Variants in GALNT13 observed in about 807,000 individuals in gnomAD.
GALNT13 encodes polypeptide N-acetylgalactosaminyltransferase 13.
Under a neutral mutation model 64.2 loss-of-function variants are expected in GALNT13, and 28 were observed. The observed-to-expected ratio is 0.44, with a 90% CI of 0.32 to 0.60. GALNT13 has a LOEUF of 0.60. GALNT13 is among the 20% of genes least tolerant of loss of function. The pLI, the probability that GALNT13 is intolerant of heterozygous loss-of-function variation, is 0.05. For synonymous variants in GALNT13, 214 were observed against 224.6 expected, an observed-to-expected ratio of 0.95 and a Z score of 0.42; for missense variants, 577 against 669.8, an observed-to-expected ratio of 0.86 and a Z score of 1.53.
the GALNT13 span, among the ~76,000 whole-genome samples, chr2:153,207,652 C>A: frequency 2.0e-5 from 3 of 152,076 alleles, no homozygotes; most frequent in African/African-American, 7.2e-5. Flanking sequence ...TTGCCAATTT[C>A]AAAATAATGA....
chr2:153,826,259 A>T, the GALNT13 span, among the ~76,000 whole-genome samples: 1 of 152,072 alleles, frequency 6.6e-6, no homozygotes, highest in Admixed American at 6.6e-5. Context: ...TCCTCTTCTT[A>T]TAAATCCACC....
intron 3 of GALNT13, among the ~76,000 whole-genome samples, chr2:154,106,445 C>A (rs139559808): frequency 1.3e-5 from 2 of 151,984 alleles, no homozygotes; most frequent in East Asian, 1.9e-4. Context: ...TATCTTTTTT[C>A]CATTGAATTC....
At chr2:153,630,845 G>A in the GALNT13 span, among the ~76,000 whole-genome samples, 2 of 101,330 alleles carry the variant, frequency 2.0e-5, no homozygotes, top group African/African-American at 8.0e-5. Flanking sequence ...AAGTTCTAGG[G>A]TACATGTGCA....
chr2:154,299,824 A>G (rs554255362), intron 8 of GALNT13, among the ~76,000 whole-genome samples: 2 of 151,798 alleles, frequency 1.3e-5, no homozygotes, highest in South Asian at 2.1e-4. Context: ...GAAGGTTTCT[A>G]TTCTTCTCGT....
chr2:153,112,436 A>G, the GALNT13 span, among the ~76,000 whole-genome samples: 1 of 151,246 alleles, frequency 6.6e-6, no homozygotes, highest in African/African-American at 2.5e-5. Context: ...TATAAGCCAC[A>G]TCCACCTACT....
At chr2:153,519,165 A>G in the GALNT13 span, among the ~76,000 whole-genome samples, 3 of 152,174 alleles carry the variant, frequency 2.0e-5, no homozygotes, top group African/African-American at 7.2e-5. Flanking sequence ...ACGTCCAAAC[A>G]GGATTCTGTT....
chr2:153,215,193 C>T, the GALNT13 span, among the ~76,000 whole-genome samples: 1 of 152,012 alleles, frequency 6.6e-6, no homozygotes, highest in Non-Finnish European at 1.5e-5. Flanking sequence ...AAAAAGTCCC[C>T]CTCCAGCTTC....
chr2:153,989,722 T>C (rs1279636700), intron 3 of GALNT13, among the ~76,000 whole-genome samples: 4 of 152,032 alleles, frequency 2.6e-5, no homozygotes, highest in Non-Finnish European at 4.4e-5. Context: ...ACTACAGCAG[T>C]CAAATATGCA....
At chr2:153,961,483 G>A (rs1254979227) in intron 3 of GALNT13, among the ~76,000 whole-genome samples, 2 of 152,136 alleles carry the variant, frequency 1.3e-5, no homozygotes, top group Non-Finnish European at 2.9e-5. Context: ...GCATTAGTTA[G>A]TGTAAAGGGA....
the GALNT13 span, among the ~76,000 whole-genome samples, chr2:153,135,696 TTATAC>T: frequency 1.3e-5 from 2 of 152,022 alleles, no homozygotes; most frequent in Non-Finnish European, 2.9e-5. Context: ...TAGGACTTCA[TTATAC>T]TTTTGGATTT....
the GALNT13 span, among the ~76,000 whole-genome samples, chr2:153,695,292 A>G: frequency 6.6e-6 from 1 of 152,226 alleles, no homozygotes; most frequent in African/African-American, 2.4e-5. Flanking sequence ...TAGTTTAGGC[A>G]AAGTGACTCA....
At chr2:153,870,038 T>G (rs188027688), upstream of GALNT13, among the ~76,000 whole-genome samples, 1 of 152,070 alleles carries the variant, frequency 6.6e-6, no homozygotes, top group African/African-American at 2.4e-5. Flanking sequence ...CTAATAAGTA[T>G]GCCACACCAG....
chr2:153,538,115 A>G, the GALNT13 span, among the ~76,000 whole-genome samples: 4 of 152,106 alleles, frequency 2.6e-5, no homozygotes, highest in East Asian at 3.9e-4. Context: ...AGATGCTGAG[A>G]GTGATCTAGA....
At chr2:153,338,927 A>G in the GALNT13 span, among the ~76,000 whole-genome samples, 2 of 152,200 alleles carry the variant, frequency 1.3e-5, no homozygotes. Flanking sequence ...ATGTCTTCCA[A>G]GTTCATCCAC....
At chr2:153,533,636 T>C in the GALNT13 span, among the ~76,000 whole-genome samples, 3 of 151,760 alleles carry the variant, frequency 2.0e-5, no homozygotes, top group African/African-American at 4.8e-5. Context: ...TTGATGTTTG[T>C]TTCTCTCTTT....
At chr2:154,150,306 G>A (rs1574606974) in intron 4 of GALNT13, among the ~76,000 whole-genome samples, 1 of 152,088 alleles carries the variant, frequency 6.6e-6, no homozygotes, top group Admixed American at 6.6e-5. Context: ...TAAGCTTTTT[G>A]ATGTGCTGCT....
At chr2:153,458,086 G>A in the GALNT13 span, among the ~76,000 whole-genome samples, 1 of 152,114 alleles carries the variant, frequency 6.6e-6, no homozygotes, top group East Asian at 1.9e-4. Context: ...CACTTCTGCT[G>A]TAGTTCTTAT....
the GALNT13 span, among the ~76,000 whole-genome samples, chr2:153,429,742 A>T: frequency 4.3e-3 from 658 of 152,288 alleles, 3 homozygotes; most frequent in African/African-American, 0.015. Context: ...TTATTAAAAT[A>T]ATGAGATCTA....
the GALNT13 span, among the ~76,000 whole-genome samples, chr2:153,582,666 C>T: frequency 6.6e-6 from 1 of 151,910 alleles, no homozygotes; most frequent in South Asian, 2.1e-4. Flanking sequence ...ATTATTTGTC[C>T]CTGTAGAGCT....
Sources: allele counts gnomAD v4.1 joint callset (sites outside exome capture counted in the v4.1 genomes callset), GRCh38; gene constraint gnomAD v4.1.1; transcripts MANE v1.5; gene names NCBI Gene and HGNC (gene_info 2026-07-23, HGNC 2026-07-21).